Variants in THEMIS observed in about 807,000 individuals in gnomAD.
THEMIS encodes the protein protein THEMIS.
Under a neutral mutation model 52.6 loss-of-function variants are expected in THEMIS, and 37 were observed. The observed-to-expected ratio is 0.70, with a 90% CI of 0.54 to 0.93. THEMIS has a LOEUF of 0.93. Ranked by LOEUF, THEMIS falls within the 40% of genes least tolerant of loss-of-function variation. THEMIS has a pLI of 0.00. For synonymous variants in THEMIS, 292 were observed against 272.7 expected (o/e 1.07, Z -0.70); for missense variants, 808 against 763.1 (o/e 1.06, Z -0.69).
chr6:127,820,122 T>A (rs1236830331), intron 3 of THEMIS, among the ~76,000 whole-genome samples: 1 of 152,104 alleles, frequency 6.6e-6, no homozygotes, highest in Non-Finnish European at 1.5e-5. Context: ...TATTACAAAC[T>A]CTAGGGTAAC....
At position 127,796,843 on chromosome 6, in the gene THEMIS, G is replaced by C. The variant is rs147893398; in HGVS notation, c.1758+16040C>G. ...GCTGAACTTTATAGTGTCTACACAA[G>C]AGCCACCTTGATTCTCACTGTTTTA... On this transcript the variant is annotated intron_variant, in intron 4 of 5. Transcript: ENST00000368248. Among the ~76,000 whole-genome samples the C allele has an allele frequency of 3.7e-3, 567 of 152,248 alleles. 8 individuals are homozygous for C. Among genetic ancestry groups the C allele is most frequent in the African/African-American group, 0.013 (542 of 41,524 alleles).
At chr6:127,738,216 A>T (rs1248769348) in intron 4 of THEMIS, among the ~76,000 whole-genome samples, 1 of 152,198 alleles carries the variant, frequency 6.6e-6, no homozygotes. Context: ...GTATAAATTT[A>T]AGTAAAAAAA....
intron 2 of THEMIS, among the ~76,000 whole-genome samples, chr6:127,845,600 T>C (rs961836666): frequency 6.6e-6 from 1 of 151,870 alleles, no homozygotes; most frequent in Non-Finnish European, 1.5e-5. Flanking sequence ...TCCCAGAGAA[T>C]TGTTATTATT....
intron 1 of THEMIS, among the ~76,000 whole-genome samples, chr6:127,892,389 C>G (rs1449859216): frequency 6.6e-6 from 1 of 152,166 alleles, no homozygotes; most frequent in Non-Finnish European, 1.5e-5. Flanking sequence ...AAAAGATCAC[C>G]TTTCACCTCA....
intron 1 of THEMIS, among the ~76,000 whole-genome samples, chr6:127,863,705 C>G (rs1381548523): frequency 1.3e-5 from 2 of 152,126 alleles, no homozygotes. Flanking sequence ...AACATGGAAT[C>G]CTGCTTCTCA....
intron 2 of THEMIS, among the ~76,000 whole-genome samples, chr6:127,839,186 G>T (rs1298216928): frequency 1.3e-5 from 2 of 151,780 alleles, no homozygotes; most frequent in African/African-American, 4.8e-5. Context: ...ATATGTAATT[G>T]ATATATTTAT....
At chr6:127,834,918 C>A (rs1778824826) in intron 2 of THEMIS, among the ~76,000 whole-genome samples, 1 of 152,116 alleles carries the variant, frequency 6.6e-6, no homozygotes, top group Non-Finnish European at 1.5e-5. Context: ...AATAAATGTG[C>A]CGCACGTCAT....
At chr6:127,882,634 TA>T (rs1049391330) in intron 1 of THEMIS, among the ~76,000 whole-genome samples, 1 of 151,846 alleles carries the variant, frequency 6.6e-6, no homozygotes, top group African/African-American at 2.4e-5. Context: ...TAGTTGAAAT[TA>T]TTTTTTTTAA....
intron 2 of THEMIS, among the ~76,000 whole-genome samples, chr6:127,850,947 G>T (rs773317171): frequency 4.6e-5 from 7 of 151,640 alleles, no homozygotes; most frequent in Non-Finnish European, 1.0e-4. Flanking sequence ...ACTTACTAGA[G>T]AAGAAAAACT....
chr6:127,786,281 T>C (rs1386754664), intron 4 of THEMIS, among the ~76,000 whole-genome samples: 1 of 152,218 alleles, frequency 6.6e-6, no homozygotes, highest in African/African-American at 2.4e-5. Flanking sequence ...CTTGGCCATC[T>C]GTTATTGTTC....
intron 4 of THEMIS, among the ~76,000 whole-genome samples, chr6:127,770,849 T>C (rs1776360578): frequency 6.6e-6 from 1 of 152,226 alleles, no homozygotes; most frequent in Non-Finnish European, 1.5e-5. Context: ...GCTAGCCAGT[T>C]TTCCCAGAAC....
At chr6:127,903,662 GA>G (rs1184043404), upstream of THEMIS, among the ~76,000 whole-genome samples, 1 of 149,664 alleles carries the variant, frequency 6.7e-6, no homozygotes, top group Non-Finnish European at 1.5e-5. Context: ...GTAATTGAAG[GA>G]AAAAACTAAT....
At chr6:127,840,242 G>A (rs1055586700) in intron 2 of THEMIS, among the ~76,000 whole-genome samples, 2 of 152,078 alleles carry the variant, frequency 1.3e-5, no homozygotes, top group African/African-American at 4.8e-5. Context: ...TTAAAAGGCT[G>A]TTCATCACAG....
chr6:127,916,865 G>A (rs1057330801), intron 1 of THEMIS, among the ~76,000 whole-genome samples: 1 of 152,152 alleles, frequency 6.6e-6, no homozygotes, highest in Non-Finnish European at 1.5e-5. Context: ...CTATTAGGCT[G>A]GTGCAAAAGT....
At chr6:127,787,856 TAGATAGATAGATAGATAGATAGATATAG>T (rs1562257902) in intron 4 of THEMIS, among the ~76,000 whole-genome samples, 52 of 128,972 alleles carry the variant, frequency 4.0e-4, no homozygotes, top group Admixed American at 7.2e-4. Flanking sequence ...CAGATATAGA[TAGATAGATAGATAGATAGATAGATATAG>T]ATAGATAGAT....
At chr6:127,705,311 C>CTT (rs1773784268), downstream of THEMIS, among the ~76,000 whole-genome samples, 1 of 152,162 alleles carries the variant, frequency 6.6e-6, no homozygotes, top group Non-Finnish European at 1.5e-5. Flanking sequence ...AGTCTCTGTC[C>CTT]TTATTCACCC....
chr6:127,784,256 G>A (rs746440110), intron 4 of THEMIS, among the ~76,000 whole-genome samples: 1 of 152,094 alleles, frequency 6.6e-6, no homozygotes, highest in Non-Finnish European at 1.5e-5. Flanking sequence ...GGCTAGGGGA[G>A]GGATAGCATT....
chr6:127,774,433 C>T (rs926982582), intron 4 of THEMIS, among the ~76,000 whole-genome samples: 11 of 152,166 alleles, frequency 7.2e-5, no homozygotes, highest in Non-Finnish European at 1.2e-4. Flanking sequence ...TCTCGATCTC[C>T]TGACCCCATG....
At chr6:127,710,931 CTCCCTCCCTCCT>C (rs1162219558) in intron 5 of THEMIS, among the ~76,000 whole-genome samples, 11 of 150,858 alleles carry the variant, frequency 7.3e-5, no homozygotes, top group African/African-American at 2.7e-4. Flanking sequence ...AACTGCCTGC[CTCCCTCCCTCCT>C]TCCCTCCCTC....
Sources: allele counts gnomAD v4.1 joint callset (sites outside exome capture counted in the v4.1 genomes callset), GRCh38; gene constraint gnomAD v4.1.1; transcripts MANE v1.5; gene names NCBI Gene and HGNC (gene_info 2026-07-23, HGNC 2026-07-21).